Variants in SORCS2 observed in about 807,000 individuals in gnomAD.
The protein encoded by SORCS2 is VPS10 domain-containing receptor SorCS2.
In SORCS2, 100 loss-of-function variants were observed where a neutral mutation model predicts 141.6. That is an observed-to-expected ratio of 0.71 (90% CI 0.60 to 0.83). The LOEUF is 0.83. Among genes scored for constraint, SORCS2 ranks in the 40% least tolerant of loss-of-function variants. The pLI, the probability that SORCS2 is intolerant of heterozygous loss-of-function variation, is 0.00. For synonymous variants in SORCS2, 789 were observed against 676.9 expected, an observed-to-expected ratio of 1.17 and a Z score of -2.57; for missense variants, 1,646 against 1,560.2, an observed-to-expected ratio of 1.05 and a Z score of -0.93.
At chr4:7,348,798 C>T (rs979718247) in intron 1 of SORCS2, among the ~76,000 whole-genome samples, 3 of 152,290 alleles carry the variant, frequency 2.0e-5, no homozygotes, top group African/African-American at 7.2e-5. Flanking sequence ...GGTGATCCAC[C>T]CACGTCAGTC....
chr4:7,632,491 C>T (rs765722219), intron 3 of SORCS2, among the ~76,000 whole-genome samples: 9 of 152,190 alleles, frequency 5.9e-5, no homozygotes, highest in Non-Finnish European at 8.8e-5. Context: ...TCCTCTCCCC[C>T]GTCTTTCCTG....
At chr4:7,519,052 GGTGGCTCTGTCACCCGCC>G (rs1001768197) in intron 2 of SORCS2, among the ~76,000 whole-genome samples, 62 of 152,296 alleles carry the variant, frequency 4.1e-4, no homozygotes, top group African/African-American at 1.3e-3. Context: ...GGGACTGGAG[GGTGGCTCTGTCACCCGCC>G]GTGGCTCTTG....
At chr4:7,387,794 AT>A (rs1184122373) in intron 1 of SORCS2, among the ~76,000 whole-genome samples, 14 of 117,908 alleles carry the variant, frequency 1.2e-4, no homozygotes, top group East Asian at 7.4e-4. Context: ...AGGTACATGC[AT>A]GCTCACATGC....
chr4:7,687,076 T>G (rs1217998114), intron 10 of SORCS2, among the ~76,000 whole-genome samples: 1 of 152,158 alleles, frequency 6.6e-6, no homozygotes. Flanking sequence ...ACGCAGCAAG[T>G]GACCAGATGT....
chr4:7,562,685 G>A (rs1343858138), intron 3 of SORCS2, among the ~76,000 whole-genome samples: 1 of 152,200 alleles, frequency 6.6e-6, no homozygotes, highest in African/African-American at 2.4e-5. Flanking sequence ...TTCTCACACT[G>A]CTCTGGACCA....
At chr4:7,401,399 G>A (rs570617208) in intron 2 of SORCS2, among the ~76,000 whole-genome samples, 3 of 152,274 alleles carry the variant, frequency 2.0e-5, no homozygotes, top group African/African-American at 7.2e-5. Context: ...GGATGGTGAT[G>A]TGGTTTTTGG....
intron 1 of SORCS2, among the ~76,000 whole-genome samples, chr4:7,363,081 A>G (rs377336109): frequency 4.5e-4 from 67 of 149,048 alleles, no homozygotes; most frequent in African/African-American, 1.5e-3. Flanking sequence ...ATACATCATC[A>G]TCATCATCAC....
chr4:7,324,500 C>A (rs920987988), intron 1 of SORCS2, among the ~76,000 whole-genome samples: 1 of 152,196 alleles, frequency 6.6e-6, no homozygotes, highest in African/African-American at 2.4e-5. Flanking sequence ...GTGGGAACTG[C>A]GCGGGGTTAG....
intron 3 of SORCS2, among the ~76,000 whole-genome samples, chr4:7,634,726 G>C (rs1310969284): frequency 6.6e-6 from 1 of 152,148 alleles, no homozygotes; most frequent in East Asian, 1.9e-4. Context: ...GTGTGGAAAG[G>C]AGAAGAGTGA....
chr4:7,340,493 C>T (rs550738613), intron 1 of SORCS2, among the ~76,000 whole-genome samples: 2 of 152,372 alleles, frequency 1.3e-5, no homozygotes, highest in South Asian at 2.1e-4. Context: ...AAGGTGCCAG[C>T]TTCCTCTGGG....
At chr4:7,724,608 A>G (rs368847737) in intron 19 of SORCS2, among the ~76,000 whole-genome samples, 3,563 of 34,840 alleles carry the variant, frequency 0.1, 160 homozygotes, top group East Asian at 0.18. Context: ...TGGTGGTGAT[A>G]GTGCTGGTGA....
intron 9 of SORCS2, among the ~76,000 whole-genome samples, chr4:7,680,445 C>G (rs1723452259): frequency 6.6e-6 from 1 of 152,264 alleles, no homozygotes; most frequent in South Asian, 2.1e-4. Flanking sequence ...AAGCTGGACT[C>G]TGGGCCAGGG....
At chr4:7,671,040 C>A (rs542072781) in intron 8 of SORCS2, among the ~76,000 whole-genome samples, 16 of 152,244 alleles carry the variant, frequency 1.1e-4, no homozygotes, top group African/African-American at 3.1e-4. Flanking sequence ...TCAAAAGCAA[C>A]TGTATATATG....
intron 7 of SORCS2, among the ~76,000 whole-genome samples, chr4:7,665,524 C>T (rs771201754): frequency 1.4e-4 from 21 of 152,204 alleles, no homozygotes; most frequent in Non-Finnish European, 7.3e-5. Context: ...CAATCATGCA[C>T]TTCCTCCTCC....
At chr4:7,712,522 G>A (rs1725888906) in intron 14 of SORCS2, among the ~76,000 whole-genome samples, 1 of 152,226 alleles carries the variant, frequency 6.6e-6, no homozygotes, top group African/African-American at 2.4e-5. Context: ...GGTAGTTGTG[G>A]GAATATTCAC....
intron 18 of SORCS2, among the ~76,000 whole-genome samples, chr4:7,718,516 C>T (rs573859463): frequency 2.6e-5 from 4 of 152,250 alleles, no homozygotes; most frequent in South Asian, 2.1e-4. Context: ...TATTCATTCC[C>T]GTGGGTGGTA....
chr4:7,460,660 A>G (rs1377838029), intron 2 of SORCS2, among the ~76,000 whole-genome samples: 2 of 152,184 alleles, frequency 1.3e-5, no homozygotes, highest in African/African-American at 2.4e-5. Flanking sequence ...ATTTGGTGAC[A>G]TTAGTTTCTT....
At chr4:7,341,618 C>T (rs1403454341) in intron 1 of SORCS2, among the ~76,000 whole-genome samples, 2 of 152,236 alleles carry the variant, frequency 1.3e-5, no homozygotes, top group African/African-American at 4.8e-5. Flanking sequence ...ACCCAGCCAC[C>T]ATTTCCTGAG....
chr4:7,264,651 A>G (rs975836059), intron 1 of SORCS2, among the ~76,000 whole-genome samples: 5 of 152,096 alleles, frequency 3.3e-5, no homozygotes, highest in African/African-American at 4.8e-5. Context: ...TGTGATTGAA[A>G]CTAGGCGGAG....
Sources: allele counts gnomAD v4.1 joint callset (sites outside exome capture counted in the v4.1 genomes callset), GRCh38; gene constraint gnomAD v4.1.1; transcripts MANE v1.5; gene names NCBI Gene and HGNC (gene_info 2026-07-23, HGNC 2026-07-21).